The following TBC1D32 variants were observed in gnomAD, a reference collection of about 807,000 sequenced individuals.
TBC1D32 encodes TBC1 domain family member 32.
TBC1D32 carries 151 observed loss-of-function variants against 170.3 expected under a neutral mutation model. The ratio of observed to expected loss-of-function variants is 0.89; its 90% confidence interval spans 0.78 to 1.01. The LOEUF (loss-of-function observed/expected upper bound fraction) is 1.01, where lower values mean the gene tolerates loss of function less well. TBC1D32 is among the 50% of genes least tolerant of loss of function. TBC1D32 has a pLI of 0.00. For synonymous variants in TBC1D32, 498 were observed against 488.0 expected, an observed-to-expected ratio of 1.02 and a Z score of -0.27; for missense variants, 1,464 against 1,457.1, an observed-to-expected ratio of 1.00 and a Z score of -0.08.
rs768835120 is a variant in TBC1D32, at chr6:121,317,624, G to A, written c.366C>T (p.Val122=). Reference sequence around the variant, plus strand: ...CTTCAAACTTGTTAATCATAGACTCGACCACAGCTATCATAATGTTCTTCA... The same window carrying A: ...CTTCAAACTTGTTAATCATAGACTCAACCACAGCTATCATAATGTTCTTCA... ...HYLKNIMIAV[V]ESMINKFEED... is the part of the protein sequence containing the mutation. The change falls in exon 3 of 32, where the codon GTC becomes GTT. Residue 122 remains valine, a synonymous_variant. Coordinates refer to ENST00000398212, the MANE Select transcript of TBC1D32 (RefSeq NM_152730.6). 5 of 1,610,258 alleles carry A rather than the reference G, an allele frequency of 3.1e-6. No individual in the cohort carries two copies. The highest frequency in any genetic ancestry group is 2.2e-5 in the East Asian group (1 of 44,598).
At chr6:121,316,916 T>C (rs1471201226) in intron 3 of TBC1D32, among the ~76,000 whole-genome samples, 2 of 152,134 alleles carry the variant, frequency 1.3e-5, no homozygotes, top group African/African-American at 2.4e-5. Flanking sequence ...GGCACATGCA[T>C]AGGCTCTAGT....
At chr6:121,205,019 G>A (rs1280623402) in intron 22 of TBC1D32, 56 bp downstream of exon 22, 3 of 1,036,260 alleles carry the variant, frequency 2.9e-6, no homozygotes, top group Non-Finnish European at 4.3e-6. Context: ...CAGGACAAAT[G>A]CTTATTTTTT....
intron 24 of TBC1D32, among the ~76,000 whole-genome samples, chr6:121,155,972 G>A (rs1400747037): frequency 1.3e-5 from 2 of 151,974 alleles, no homozygotes; most frequent in African/African-American, 4.8e-5. Flanking sequence ...TTGGCCTAAA[G>A]TTTCTTTTTT....
chr6:121,268,103 T>C (rs1015139244), intron 15 of TBC1D32, among the ~76,000 whole-genome samples: 3 of 152,050 alleles, frequency 2.0e-5, no homozygotes, highest in Admixed American at 2.0e-4. Flanking sequence ...ACCCCATCTG[T>C]ACGTCACCAT....
Position 121,190,109 on chromosome 6 carries a change from C to T in TBC1D32, c.2570+14966G>A, listed in dbSNP as rs979903094. Among the ~76,000 whole-genome samples, 48 of 146,944 alleles carry T rather than the reference C, an allele frequency of 3.3e-4. 1 individual carries two copies. Among genetic ancestry groups the T allele is most frequent in the African/African-American group, 1.1e-3 (45 of 40,062 alleles). ...ACACACACACACACACACACACACA[C>T]ACACACACACACACACACACACGAC... On this transcript the variant is annotated intron_variant, in intron 22 of 31. Transcript: ENST00000398212.
intron 12 of TBC1D32, among the ~76,000 whole-genome samples, chr6:121,287,469 T>G (rs1425196882): frequency 2.6e-5 from 4 of 152,130 alleles, no homozygotes; most frequent in Non-Finnish European, 5.9e-5. Flanking sequence ...TAAATATATA[T>G]GCACCCAATA....
rs191624588 is a variant in TBC1D32, at chr6:121,307,908, T to C, written c.690+68A>G. ...GAAAAGAAAACTATCGTAACTATCATATTCTATTTATTTCCAGAATGGTGG... is the reference window on the plus strand; with the variant it reads ...GAAAAGAAAACTATCGTAACTATCACATTCTATTTATTTCCAGAATGGTGG... On this transcript the variant is annotated intron_variant, in intron 5 of 31. Transcript: ENST00000398212. 1,411 of 1,492,028 alleles carry C rather than the reference T, an allele frequency of 9.5e-4. 13 individuals are homozygous for C. The African/African-American group carries it at 0.018, about 19-fold the overall frequency. The allele number at this position is 1,492,028 out of a possible 1,614,324, so 92.4% of individuals were successfully genotyped here.
At chr6:121,290,164 T>G (rs1583592656) in intron 12 of TBC1D32, among the ~76,000 whole-genome samples, 1 of 152,110 alleles carries the variant, frequency 6.6e-6, no homozygotes, top group African/African-American at 2.4e-5. Context: ...CTAATTAAGC[T>G]AAAGAGCTTC....
intron 30 of TBC1D32, among the ~76,000 whole-genome samples, chr6:121,105,151 A>C (rs1778560630): frequency 6.6e-6 from 1 of 152,106 alleles, no homozygotes; most frequent in South Asian, 2.1e-4. Flanking sequence ...CAATTAGTTA[A>C]CAAAATTATG....
intron 10 of TBC1D32, among the ~76,000 whole-genome samples, chr6:121,298,433 G>A (rs1805969585): frequency 6.6e-6 from 1 of 151,962 alleles, no homozygotes; most frequent in Non-Finnish European, 1.5e-5. Context: ...GCAACAGTGA[G>A]TCATTATCTG....
Position 121,126,456 on chromosome 6 carries a change from T to C in TBC1D32, c.2905A>G (p.Ile969Val), listed in dbSNP as rs1035978604. The C allele has an allele frequency of 6.2e-7, 1 of 1,608,614 alleles. No homozygotes were observed. The change falls in exon 26 of 32, where the codon ATA (isoleucine) becomes GTA (valine). Residue 969 changes from isoleucine (I) to valine (V), a missense_variant. Around this residue, in one of 3 missense-constraint regions of TBC1D32, gnomAD observed 1,363 missense variants for 1,338.1 expected, o/e 1.02. Coordinates refer to ENST00000398212, the MANE Select transcript of TBC1D32 (RefSeq NM_152730.6). ...KPDIISGEAL[I>V]ELLEKFVLHL... ...AGCACAAATTTTTCAAGTAATTCTA[T>C]TAAGGCTGTAATAAACAAAGGAATA...
intron 12 of TBC1D32, among the ~76,000 whole-genome samples, chr6:121,285,098 T>G (rs1054675527): frequency 6.6e-6 from 1 of 152,174 alleles, no homozygotes; most frequent in Non-Finnish European, 1.5e-5. Context: ...CTATAGCCAT[T>G]GTGGGCTGAT....
chr6:121,156,363 G>A (rs886698125), intron 24 of TBC1D32, among the ~76,000 whole-genome samples: 4 of 151,132 alleles, frequency 2.6e-5, no homozygotes, highest in Non-Finnish European at 5.9e-5. Flanking sequence ...CAGTTGTAAT[G>A]TCATTTTTGT....
chr6:121,170,518 A>G, intron 22 of TBC1D32: 1 of 1,578,946 alleles, frequency 6.3e-7, no homozygotes, highest in Non-Finnish European at 8.6e-7. Context: ...AGCATATCAC[A>G]CTTAATAACC....
At chr6:121,087,778 T>C (rs1318888663) in intron 31 of TBC1D32, among the ~76,000 whole-genome samples, 1 of 152,254 alleles carries the variant, frequency 6.6e-6, no homozygotes, top group East Asian at 1.9e-4. Flanking sequence ...TCCTCAAATA[T>C]AAAATAAAGC....
chr6:121,279,272 A>G, intron 14 of TBC1D32, 27 bp from the exon 15 acceptor site: 1 of 1,594,180 alleles, frequency 6.3e-7, no homozygotes, highest in Non-Finnish European at 8.5e-7. Context: ...AAACAAGACA[A>G]ATCACATAAT....
At chr6:121,265,490 G>C (rs2128413466) in intron 15 of TBC1D32, among the ~76,000 whole-genome samples, 1 of 151,524 alleles carries the variant, frequency 6.6e-6, no homozygotes, top group African/African-American at 2.4e-5. Flanking sequence ...ACTGCCCAAA[G>C]TAAATCATAG....
At chr6:121,328,311 A>G (rs1287582132) in intron 1 of TBC1D32, among the ~76,000 whole-genome samples, 3 of 151,520 alleles carry the variant, frequency 2.0e-5, no homozygotes, top group Non-Finnish European at 2.9e-5. Flanking sequence ...TTTGTGACGG[A>G]GTCTCGCTCT....
intron 28 of TBC1D32, among the ~76,000 whole-genome samples, chr6:121,112,860 A>G (rs1481547112): frequency 2.6e-5 from 4 of 152,104 alleles, no homozygotes; most frequent in Admixed American, 1.3e-4. Context: ...AATGAATGAG[A>G]CTAAATATAA....
Sources: gnomAD v4.1 joint callset for allele counts (sites outside exome capture counted in the v4.1 genomes callset) on GRCh38, gnomAD v4.1.1 for gene constraint, gnomAD v4.1.1 regional missense constraint, MANE v1.5 for transcripts, NCBI Gene and HGNC (gene_info 2026-07-23, HGNC 2026-07-21) for gene names.